NCKAP5: variants seen among roughly 807,000 people sequenced by gnomAD.
NCKAP5 encodes the protein NCK associated protein 5, also known as nck-associated protein 5.
In NCKAP5, 92 loss-of-function variants were observed where a neutral mutation model predicts 167.0. The observed-to-expected ratio is 0.55, with a 90% CI of 0.47 to 0.66. The LOEUF (loss-of-function observed/expected upper bound fraction) is 0.66, where lower values mean the gene tolerates loss of function less well. Among genes scored for constraint, NCKAP5 ranks in the 30% least tolerant of loss-of-function variants. The pLI is 0.00. For synonymous variants in NCKAP5, 891 were observed against 877.4 expected, an observed-to-expected ratio of 1.02 and a Z score of -0.27; for missense variants, 2,378 against 2,315.0, an observed-to-expected ratio of 1.03 and a Z score of -0.56.
At position 133,418,461 on chromosome 2, in the gene NCKAP5, C is replaced by T. The variant is rs560152308; in HGVS notation, c.69+98997G>A. Among the ~76,000 whole-genome samples, 6 of 152,330 alleles carry T rather than the reference C, an allele frequency of 3.9e-5. No homozygotes were observed. In the East Asian group the frequency reaches 1.2e-3, roughly 29 times the overall value. ...AGACTGTTCAGACCTCAGGGCTACT[C>T]CCAAATACAAAAGTGCTTGGCTCTC... On this transcript the variant is annotated intron_variant, in intron 3 of 19. Coordinates refer to ENST00000409261, the MANE Select transcript of NCKAP5 (RefSeq NM_207363.3).
At chr2:133,048,509 G>A (rs892035048) in intron 6 of NCKAP5, among the ~76,000 whole-genome samples, 5 of 152,136 alleles carry the variant, frequency 3.3e-5, no homozygotes, top group African/African-American at 9.7e-5. Context: ...ATCACCAATG[G>A]TTTATAATGG....
At chr2:133,613,314 C>T in the NCKAP5 span, among the ~76,000 whole-genome samples, 1 of 152,118 alleles carries the variant, frequency 6.6e-6, no homozygotes, top group African/African-American at 2.4e-5. Context: ...TAACAGAAAA[C>T]AATTATACCA....
intron 6 of NCKAP5, among the ~76,000 whole-genome samples, chr2:133,032,713 TA>T (rs1048750416): frequency 6.6e-6 from 1 of 152,116 alleles, no homozygotes; most frequent in Non-Finnish European, 1.5e-5. Context: ...CACAGTGCTA[TA>T]AAAAAACCTG....
intron 5 of NCKAP5, among the ~76,000 whole-genome samples, chr2:133,188,252 A>G (rs1347677025): frequency 6.6e-6 from 1 of 152,112 alleles, no homozygotes; most frequent in Non-Finnish European, 1.5e-5. Flanking sequence ...ATATATATGC[A>G]TCCAATACAA....
At chr2:133,321,987 C>T (rs372994381) in intron 3 of NCKAP5, among the ~76,000 whole-genome samples, 1 of 152,150 alleles carries the variant, frequency 6.6e-6, no homozygotes, top group African/African-American at 2.4e-5. Flanking sequence ...GTCATGCAAC[C>T]TGGCCCACAT....
intron 9 of NCKAP5, among the ~76,000 whole-genome samples, chr2:132,876,812 C>T (rs1376153740): frequency 6.6e-6 from 1 of 152,178 alleles, no homozygotes; most frequent in Non-Finnish European, 1.5e-5. Context: ...TTGTGGATAA[C>T]TTATATTTTT....
rs530514764 is a variant in NCKAP5 at position 133,462,526 on chromosome 2, T to C, written c.69+54932A>G. On this transcript the variant is annotated intron_variant, in intron 3 of 19. Transcript: ENST00000409261. ...CTCTGGTCCAAGATAGCATCAGAAATGGAAGTTCCAAATATACTTTTATAA... is the reference window on the plus strand; with the variant it reads ...CTCTGGTCCAAGATAGCATCAGAAACGGAAGTTCCAAATATACTTTTATAA... Among the ~76,000 whole-genome samples, 23 of 152,290 alleles carry C rather than the reference T, an allele frequency of 1.5e-4. No individual in the cohort carries two copies. The South Asian group carries it at 2.7e-3, about 18-fold the overall frequency.
chr2:132,680,980 G>A (rs567043311), intron 19 of NCKAP5, among the ~76,000 whole-genome samples: 246 of 152,214 alleles, frequency 1.6e-3, no homozygotes, highest in Admixed American at 4.4e-3. Flanking sequence ...TAATGCTTCC[G>A]ATTTGATGAG....
the NCKAP5 span, among the ~76,000 whole-genome samples, chr2:133,669,233 A>C: frequency 6.6e-6 from 1 of 152,292 alleles, no homozygotes; most frequent in African/African-American, 2.4e-5. Context: ...GTTCTTGCTG[A>C]GATTCAGCTA....
At chr2:133,246,749 T>C (rs2088017545) in intron 4 of NCKAP5, among the ~76,000 whole-genome samples, 2 of 152,228 alleles carry the variant, frequency 1.3e-5, no homozygotes, top group South Asian at 4.1e-4. Context: ...ACAATATTCT[T>C]CCAGAAGTGG....
chr2:133,477,330 A>G lies in NCKAP5; in HGVS notation c.69+40128T>C, dbSNP rs544793814. Among the ~76,000 whole-genome samples, 65 of 152,288 alleles carry G rather than the reference A, an allele frequency of 4.3e-4. 1 individual carries two copies. The highest frequency in any genetic ancestry group is 1.4e-3 in the African/African-American group (59 of 41,564). ...ACTATTGCTTTCAGCTTGCCATTGG[A>G]GAGCTGTATCCTCCCTTTGATAAAA... is the stretch of plus-strand genomic sequence containing the variant. On this transcript the variant is annotated intron_variant, in intron 3 of 19. Coordinates refer to ENST00000409261, the MANE Select transcript of NCKAP5 (RefSeq NM_207363.3).
chr2:133,493,100 C>G (rs1038163556), intron 3 of NCKAP5, among the ~76,000 whole-genome samples: 1 of 152,234 alleles, frequency 6.6e-6, no homozygotes, highest in African/African-American at 2.4e-5. Context: ...AAATATCTCA[C>G]TAAGTGGCAG....
intron 4 of NCKAP5, among the ~76,000 whole-genome samples, chr2:133,259,742 C>T (rs2088810179): frequency 6.6e-6 from 1 of 152,172 alleles, no homozygotes; most frequent in African/African-American, 2.4e-5. Flanking sequence ...CTAAAGTAGA[C>T]ACAACGATTC....
Position 133,387,452 on chromosome 2 carries a change from G to A in NCKAP5, c.70-84342C>T, listed in dbSNP as rs150761139. 5.5e-3 allele frequency among the ~76,000 whole-genome samples: 832 copies of A among 152,284 alleles called. 12 individuals carry two copies. The highest frequency in any genetic ancestry group is 0.019 in the African/African-American group (772 of 41,550). ...ATGGGCTTCCCTTTGTGGGTAACCC[G>A]ACCTTTCTGTCTGGCTGCCCTTAAC... On this transcript the variant is annotated intron_variant, in intron 3 of 19. Transcript: ENST00000409261.
chr2:132,844,252 A>G (rs1260486310), intron 11 of NCKAP5, among the ~76,000 whole-genome samples: 2 of 152,070 alleles, frequency 1.3e-5, no homozygotes, highest in African/African-American at 4.8e-5. Context: ...TACCCTTGAT[A>G]TTATCTTGAT....
chr2:133,481,653 T>A (rs1680447352), intron 3 of NCKAP5, among the ~76,000 whole-genome samples: 1 of 152,164 alleles, frequency 6.6e-6, no homozygotes, highest in East Asian at 1.9e-4. Context: ...TCTCATCATT[T>A]AGCTCCCACT....
intron 4 of NCKAP5, among the ~76,000 whole-genome samples, chr2:133,228,792 A>T (rs6737574): frequency 0.19 from 28,832 of 152,144 alleles, 3,440 homozygotes; most frequent in African/African-American, 0.32. Context: ...ACCCTTTTAA[A>T]AGAATGTCCA....
At chr2:133,451,529 G>A (rs1346011172) in intron 3 of NCKAP5, among the ~76,000 whole-genome samples, 2 of 152,254 alleles carry the variant, frequency 1.3e-5, no homozygotes, top group Middle Eastern at 3.4e-3. Flanking sequence ...GCCACACACG[G>A]CCATGCAACA....
At chr2:133,140,547 G>T (rs2149835765) in intron 5 of NCKAP5, among the ~76,000 whole-genome samples, 2 of 152,148 alleles carry the variant, frequency 1.3e-5, no homozygotes, top group African/African-American at 4.8e-5. Flanking sequence ...TTGAACTTCA[G>T]CTATATTTAC....
Sources: gnomAD v4.1 joint callset for allele counts (sites outside exome capture counted in the v4.1 genomes callset) on GRCh38, gnomAD v4.1.1 for gene constraint, MANE v1.5 for transcripts, NCBI Gene and HGNC (gene_info 2026-07-23, HGNC 2026-07-21) for gene names.